The following CAMKMT variants were observed in gnomAD, a reference collection of about 807,000 sequenced individuals.
The protein encoded by CAMKMT is CaM KMT.
In CAMKMT, 53 loss-of-function variants were observed where a neutral mutation model predicts 48.0. That is an observed-to-expected ratio of 1.10 (90% CI 0.89 to 1.39). CAMKMT has a LOEUF of 1.39. CAMKMT is among the 40% of genes most tolerant of loss of function. The pLI is 0.00. For synonymous variants in CAMKMT, 165 were observed against 152.3 expected (o/e 1.08, Z -0.61); for missense variants, 428 against 402.7 (o/e 1.06, Z -0.54).
Position 44,622,550 on chromosome 2 carries a change from G to A in CAMKMT, c.377-81733G>A, listed in dbSNP as rs78469032. Among the ~76,000 whole-genome samples the A allele has an allele frequency of 3.0e-3, 458 of 152,170 alleles. 18 individuals are homozygous for A. In the East Asian group the frequency reaches 0.069, roughly 23 times the overall value. On this transcript the variant is annotated intron_variant, in intron 3 of 10. Transcript: ENST00000378494. ...TCTGTTCCCATCTTTGAATCTGTGT[G>A]TACTTAATGTTTGGCTCCCACTTAT...
intron 9 of CAMKMT, among the ~76,000 whole-genome samples, chr2:44,761,641 AAGTGAC>A: frequency 1.3e-5 from 2 of 152,318 alleles, no homozygotes; most frequent in Middle Eastern, 6.8e-3. Context: ...CACCTGCAGT[AAGTGAC>A]AGTGATGCAG....
chr2:44,635,436 G>C (rs1673072250), intron 3 of CAMKMT, among the ~76,000 whole-genome samples: 1 of 151,970 alleles, frequency 6.6e-6, no homozygotes, highest in African/African-American at 2.4e-5. Flanking sequence ...TTATTGTACT[G>C]ATATATACAC....
intron 10 of CAMKMT, among the ~76,000 whole-genome samples, chr2:44,767,750 A>C: frequency 6.6e-6 from 1 of 152,138 alleles, no homozygotes; most frequent in East Asian, 1.9e-4. Flanking sequence ...CCTAAAAAAA[A>C]GCGGGTCTTT....
intron 3 of CAMKMT, among the ~76,000 whole-genome samples, chr2:44,604,200 AATACAG>A (rs1339636796): frequency 1.3e-5 from 2 of 152,220 alleles, no homozygotes; most frequent in Admixed American, 1.3e-4. Flanking sequence ...CAAGGAAAGG[AATACAG>A]ATTTAGTAAT....
chr2:44,451,640 T>G (rs568397634), intron 3 of CAMKMT, among the ~76,000 whole-genome samples: 1 of 152,072 alleles, frequency 6.6e-6, no homozygotes, highest in East Asian at 1.9e-4. Context: ...CAGTAAAGAG[T>G]TATCCTCTTT....
chr2:44,709,931 G>A (rs1281174686), intron 6 of CAMKMT, among the ~76,000 whole-genome samples: 1 of 152,066 alleles, frequency 6.6e-6, no homozygotes, highest in East Asian at 1.9e-4. Flanking sequence ...GAATACATCA[G>A]TGAAATGTAA....
intron 7 of CAMKMT, among the ~76,000 whole-genome samples, chr2:44,718,692 T>G (rs1678300055): frequency 6.6e-6 from 1 of 152,218 alleles, no homozygotes; most frequent in Non-Finnish European, 1.5e-5. Context: ...CATTCTCTGG[T>G]TAATATTAGT....
At chr2:44,591,252 C>A (rs1394052338) in intron 3 of CAMKMT, among the ~76,000 whole-genome samples, 5 of 151,218 alleles carry the variant, frequency 3.3e-5, no homozygotes, top group South Asian at 2.1e-4. Flanking sequence ...TTTTTGGTTC[C>A]ATATGAACTT....
chr2:44,715,253 T>A (rs149097230), intron 6 of CAMKMT, 34 bp from the exon 7 acceptor site: 7 of 1,324,280 alleles, frequency 5.3e-6, no homozygotes, highest in Non-Finnish European at 6.4e-6. Context: ...CACTTCACAA[T>A]CAGTGCAGAT....
chr2:44,508,464 G>A (rs1572676067), intron 3 of CAMKMT, among the ~76,000 whole-genome samples: 2 of 152,164 alleles, frequency 1.3e-5, no homozygotes, highest in African/African-American at 2.4e-5. Context: ...TAAAAATTCC[G>A]AGCTTTCATG....
intron 7 of CAMKMT, among the ~76,000 whole-genome samples, chr2:44,721,845 G>A (rs1678476193): frequency 6.6e-6 from 1 of 151,822 alleles, no homozygotes; most frequent in Non-Finnish European, 1.5e-5. Flanking sequence ...GAAGAGGAGA[G>A]GAGAGGGGAG....
intron 3 of CAMKMT, among the ~76,000 whole-genome samples, chr2:44,610,763 C>T (rs375541371): frequency 6.6e-6 from 1 of 152,160 alleles, no homozygotes; most frequent in African/African-American, 2.4e-5. Flanking sequence ...TAGAACTCTT[C>T]TCCTGAAAAA....
intron 3 of CAMKMT, among the ~76,000 whole-genome samples, chr2:44,399,350 T>C (rs1452016280): frequency 6.6e-6 from 1 of 152,164 alleles, no homozygotes; most frequent in African/African-American, 2.4e-5. Flanking sequence ...TTAGTGGGGA[T>C]TGACTGCACT....
intron 9 of CAMKMT, among the ~76,000 whole-genome samples, chr2:44,758,414 G>A (rs919123479): frequency 6.6e-6 from 1 of 152,106 alleles, no homozygotes; most frequent in African/African-American, 2.4e-5. Flanking sequence ...AACCAAACAG[G>A]CACCTGTGCC....
At chr2:44,543,136 CT>C (rs1355158138) in intron 3 of CAMKMT, among the ~76,000 whole-genome samples, 5 of 152,198 alleles carry the variant, frequency 3.3e-5, no homozygotes, top group Middle Eastern at 3.4e-3. Flanking sequence ...TAAATTAATG[CT>C]TTGAAGCAAC....
chr2:44,568,543 G>C (rs1668731500), intron 3 of CAMKMT, among the ~76,000 whole-genome samples: 1 of 152,112 alleles, frequency 6.6e-6, no homozygotes, highest in Admixed American at 6.5e-5. Context: ...TGGCTGGACT[G>C]GATATGTCAC....
intron 3 of CAMKMT, among the ~76,000 whole-genome samples, chr2:44,696,088 G>A (rs1031846213): frequency 8.6e-5 from 13 of 151,936 alleles, no homozygotes; most frequent in African/African-American, 2.2e-4. Context: ...AATTATAGGC[G>A]TACACCACCA....
chr2:44,669,830 G>A (rs1261661477), intron 3 of CAMKMT, among the ~76,000 whole-genome samples: 2 of 151,992 alleles, frequency 1.3e-5, no homozygotes, highest in Non-Finnish European at 2.9e-5. Flanking sequence ...TAGAGACGAA[G>A]TTTCACCATG....
Position 44,715,362 on chromosome 2 carries a change from C to A in CAMKMT, c.623+9C>A, listed in dbSNP as rs763236783. ...CAGAAAATATCAAGCTGGTAAGATA[C>A]CTTTCTGCATTAAAAAATTCCCATT... On this transcript the variant is annotated intron_variant, in intron 7 of 10. Transcript: ENST00000378494. 15 of 1,603,122 alleles carry A rather than the reference C, an allele frequency of 9.4e-6. No homozygotes were observed. Among genetic ancestry groups the A allele is most frequent in the Non-Finnish European group, 1.2e-5 (14 of 1,173,034 alleles).
Sources: allele counts gnomAD v4.1 joint callset (sites outside exome capture counted in the v4.1 genomes callset), GRCh38; gene constraint gnomAD v4.1.1; transcripts MANE v1.5; gene names NCBI Gene and HGNC (gene_info 2026-07-23, HGNC 2026-07-21).